AFDN: variants seen among roughly 807,000 people sequenced by gnomAD.
The protein encoded by AFDN is afadin, adherens junction formation factor.
A neutral mutation model predicts 216.6 loss-of-function variants in AFDN; 68 were observed. The ratio of observed to expected loss-of-function variants is 0.31; its 90% CI spans 0.26 to 0.38. The LOEUF (loss-of-function observed/expected upper bound fraction) is 0.38, where lower values mean the gene tolerates loss of function less well. Among genes scored for constraint, AFDN ranks in the 10% least tolerant of loss-of-function variants. The pLI, the probability that AFDN is intolerant of heterozygous loss-of-function variation, is 1.00. For synonymous variants in AFDN, 868 were observed against 853.7 expected, an observed-to-expected ratio of 1.02 and a Z score of -0.29; for missense variants, 2,136 against 2,342.0, an observed-to-expected ratio of 0.91 and a Z score of 1.82.
At position 167,943,977 on chromosome 6, in the gene AFDN, G is replaced by A. The variant is rs773332774; in HGVS notation, c.3276G>A (p.Val1092=). 2 of 1,614,186 alleles carry A rather than the reference G, an allele frequency of 1.2e-6. No homozygotes were observed. Among genetic ancestry groups the A allele is most frequent in the South Asian group, 2.2e-5 (2 of 91,074 alleles). The part of the protein sequence containing the change: ...AELMTRTSSV[V]TLEVAKQGAI... The stretch of plus-strand genomic sequence containing the variant: ...TCATGACAAGAACAAGCTCTGTGGT[G>A]ACACTGGAAGTAGCAAAGCAGGGTG... The change falls in exon 26 of 34, where the codon GTG becomes GTA. Residue 1092 remains valine (V), a synonymous_variant. Coordinates refer to ENST00000683244, the MANE Select transcript of AFDN (RefSeq NM_001386888.1).
intron 30 of AFDN, among the ~76,000 whole-genome samples, chr6:167,961,792 A>G (rs569160396): frequency 1.3e-5 from 2 of 152,298 alleles, no homozygotes; most frequent in Non-Finnish European, 2.9e-5. Flanking sequence ...TTCAGAGTCC[A>G]TGGTGCAGAG....
At chr6:167,888,056 C>T (rs540483831) in intron 6 of AFDN, among the ~76,000 whole-genome samples, 4 of 152,146 alleles carry the variant, frequency 2.6e-5, no homozygotes, top group South Asian at 2.1e-4. Context: ...TATTATATGT[C>T]GCCGAGTGTG....
intron 1 of AFDN, among the ~76,000 whole-genome samples, chr6:167,836,410 A>G (rs1283642483): frequency 1.3e-5 from 2 of 152,196 alleles, no homozygotes; most frequent in Non-Finnish European, 2.9e-5. Flanking sequence ...TACTATGTTT[A>G]GTTGTATTTT....
In AFDN at chr6:167,911,378, C is replaced by T; in HGVS notation, c.1926C>T (p.Cys642=). ...LSPTYVLYMA[C]RYVLSNQYRP... ...CTACATATGTATTATATATGGCATG[C>T]CGGTATGTATTGTCCAACCAGTACA... Residue 642 remains cysteine (C), a synonymous_variant, in exon 15 of 34, where the codon TGC becomes TGT. Transcript: ENST00000683244. 1 of 1,614,016 alleles carries T rather than the reference C, an allele frequency of 6.2e-7. No homozygotes were observed.
intron 1 of AFDN, among the ~76,000 whole-genome samples, chr6:167,848,947 C>T (rs894780094): frequency 6.6e-6 from 1 of 151,996 alleles, no homozygotes; most frequent in Non-Finnish European, 1.5e-5. Context: ...TGTTTTCCAC[C>T]CTTATTTTTA....
intron 3 of AFDN, 76 bp from the exon 4 acceptor site, chr6:167,872,138 G>A (rs1166686604): frequency 1.4e-6 from 2 of 1,395,694 alleles, no homozygotes; most frequent in Non-Finnish European, 2.0e-6. Flanking sequence ...CATGTGAGAT[G>A]AAGTTACCTA....
intron 1 of AFDN, among the ~76,000 whole-genome samples, chr6:167,836,039 AT>A (rs1780396175): frequency 6.6e-6 from 1 of 152,220 alleles, no homozygotes; most frequent in African/African-American, 2.4e-5. Context: ...TATTTTCTGT[AT>A]TTATAAATGC....
At chr6:167,935,653 A>C (rs1793903990) in intron 23 of AFDN, among the ~76,000 whole-genome samples, 1 of 152,222 alleles carries the variant, frequency 6.6e-6, no homozygotes, top group Non-Finnish European at 1.5e-5. Flanking sequence ...AATGGACTAA[A>C]ATGCAATAAT....
chr6:167,913,001 A>G (rs951901215), intron 15 of AFDN, among the ~76,000 whole-genome samples: 5 of 152,148 alleles, frequency 3.3e-5, no homozygotes, highest in Non-Finnish European at 7.3e-5. Flanking sequence ...TAATTAATCT[A>G]GAGGGATGGA....
intron 20 of AFDN, 65 bp downstream of exon 20, chr6:167,917,297 AAAAAC>A: frequency 7.3e-7 from 1 of 1,378,932 alleles, no homozygotes; most frequent in South Asian, 1.9e-5. Context: ...ATTTGGATGA[AAAAAC>A]AAAAGGAAAT....
At chr6:167,891,176 C>T in intron 8 of AFDN, 147 bp downstream of exon 8, 1 of 547,096 alleles carries the variant, frequency 1.8e-6, no homozygotes, top group Non-Finnish European at 2.9e-6. Context: ...ACTCTCATAA[C>T]ATTTATTTCT....
chr6:167,839,636 C>T (rs1192938151), intron 1 of AFDN, among the ~76,000 whole-genome samples: 2 of 152,088 alleles, frequency 1.3e-5, no homozygotes, highest in East Asian at 3.9e-4. Context: ...GACTCCTAGC[C>T]CTCCCACTCA....
intron 9 of AFDN, among the ~76,000 whole-genome samples, chr6:167,896,148 C>T (rs1788214804): frequency 6.6e-6 from 1 of 151,962 alleles, no homozygotes; most frequent in Admixed American, 6.6e-5. Flanking sequence ...TCCTCCTCCT[C>T]CTCACCCCTT....
At chr6:167,934,966 C>T (rs1175427251) in intron 23 of AFDN, among the ~76,000 whole-genome samples, 2 of 152,312 alleles carry the variant, frequency 1.3e-5, no homozygotes, top group African/African-American at 2.4e-5. Flanking sequence ...CTTATAGGTG[C>T]GTGCTTCTTT....
At chr6:167,893,584 C>G in intron 8 of AFDN, 1 of 377,594 alleles carries the variant, frequency 2.6e-6, no homozygotes, top group Non-Finnish European at 5.0e-6. Flanking sequence ...GTATGATTAA[C>G]TCACTGTTGC....
chr6:167,859,068 C>G (rs1012811185), intron 1 of AFDN, among the ~76,000 whole-genome samples: 6 of 109,440 alleles, frequency 5.5e-5, no homozygotes, highest in Admixed American at 1.8e-4. Context: ...TATGGCCGTT[C>G]TTGTTTTTTT....
chr6:167,902,472 C>G, intron 12 of AFDN, 86 bp downstream of exon 12: 1 of 1,005,514 alleles, frequency 9.9e-7, no homozygotes, highest in Non-Finnish European at 1.5e-6. Flanking sequence ...ATGTGTTCCC[C>G]TTATTTGTGG....
rs563654611 is a variant in AFDN, at chr6:167,836,622, G to A, written c.105+9385G>A. Among the ~76,000 whole-genome samples the A allele has an allele frequency of 3.3e-4, 50 of 152,218 alleles. 2 individuals are homozygous for A. The South Asian group carries it at 0.01, about 31-fold the overall frequency. Reference sequence around the variant, plus strand: ...CACTTAAGATTAGTTTTATTTCTACGTAGTGGCACCTTGTTTTGCACAAAA... The same window carrying A: ...CACTTAAGATTAGTTTTATTTCTACATAGTGGCACCTTGTTTTGCACAAAA... On this transcript the variant is annotated intron_variant, in intron 1 of 33. Transcript: ENST00000683244.
At chr6:167,953,117 G>C (rs1446039177) in intron 30 of AFDN, among the ~76,000 whole-genome samples, 1 of 152,132 alleles carries the variant, frequency 6.6e-6, no homozygotes, top group Admixed American at 6.5e-5. Context: ...ATGAGTTTTA[G>C]TGATTTTTTT....
Sources: gnomAD v4.1 joint callset for allele counts (sites outside exome capture counted in the v4.1 genomes callset) on GRCh38, gnomAD v4.1.1 for gene constraint, MANE v1.5 for transcripts, NCBI Gene and HGNC (gene_info 2026-07-23, HGNC 2026-07-21) for gene names.